The following ARHGEF9 variants were observed in gnomAD, a reference collection of about 807,000 sequenced individuals.
ARHGEF9 encodes Cdc42 guanine nucleotide exchange factor 9, also known as rho guanine nucleotide exchange factor 9.
ARHGEF9 carries 2 observed loss-of-function variants against 41.3 expected under a neutral mutation model. The ratio of observed to expected loss-of-function variants is 0.05; its 90% confidence interval spans 0.02 to 0.15. The LOEUF (loss-of-function observed/expected upper bound fraction) is 0.15, where lower values mean the gene tolerates loss of function less well. Ranked by LOEUF, ARHGEF9 falls within the 10% of genes least tolerant of loss-of-function variation. The pLI is 1.00. For missense variants in ARHGEF9, 225 were observed against 424.7 expected, an observed-to-expected ratio of 0.53 and a Z score of 4.13; for synonymous variants, 160 against 154.4, an observed-to-expected ratio of 1.04 and a Z score of -0.27.
intron 1 of ARHGEF9, among the ~76,000 whole-genome samples, chrX:63,784,421 C>T (rs2056428148): frequency 8.9e-6 from 1 of 112,680 alleles, no homozygotes; most frequent in Non-Finnish European, 1.9e-5. Flanking sequence ...GCACACACTC[C>T]TTGGGAGGGA....
intron 1 of ARHGEF9, among the ~76,000 whole-genome samples, chrX:63,733,967 G>A (rs2054466320): frequency 8.9e-6 from 1 of 112,558 alleles, no homozygotes; most frequent in African/African-American, 3.2e-5. Context: ...ACAAAGAACA[G>A]CTTCTTCCTG....
rs1556296517 is a variant in ARHGEF9, at chrX:63,635,639, G to A, written c.*2389C>T. 2.9e-6 allele frequency: 1 copy of A among 350,293 alleles called. No individual in the cohort carries two copies. The highest frequency in any genetic ancestry group is 4.9e-6 in the Non-Finnish European group (1 of 205,140). 28.9% of individuals were successfully genotyped at this position (350,293 alleles called of 1,213,427 possible). ...TCAGGTGATGCCAGTGGGTTCAGTA[G>A]AGGAGAAGTGCGGGTTGAGAAGTAA... On this transcript the variant is annotated 3_prime_UTR_variant, in exon 10 of 10. Transcript: ENST00000671741.
At chrX:63,742,175 C>T (rs1442436356) in intron 1 of ARHGEF9, among the ~76,000 whole-genome samples, 1 of 111,896 alleles carries the variant, frequency 8.9e-6, no homozygotes, top group African/African-American at 3.3e-5. Context: ...AAGAGCCTCA[C>T]AAATGTAAGG....
intron 7 of ARHGEF9, 123 bp from the exon 8 acceptor site, chrX:63,655,860 G>C: frequency 1.0e-6 from 1 of 953,975 alleles, no homozygotes; most frequent in Non-Finnish European, 1.5e-6. Context: ...GGGTTGGTTT[G>C]TTCTAAATTT....
intron 7 of ARHGEF9, among the ~76,000 whole-genome samples, chrX:63,656,109 C>T (rs782767293): frequency 9.0e-6 from 1 of 111,111 alleles, no homozygotes; most frequent in South Asian, 3.8e-4. Context: ...TGGCTGGTTG[C>T]CTGGAGTGTG....
intron 6 of ARHGEF9, among the ~76,000 whole-genome samples, chrX:63,669,181 C>T (rs1166591204): frequency 1.8e-5 from 2 of 111,707 alleles, no homozygotes; most frequent in African/African-American, 6.5e-5. Context: ...GAGATCTCAC[C>T]CTTGCTTCCT....
At chrX:63,652,536 T>A (rs782016789) in intron 8 of ARHGEF9, among the ~76,000 whole-genome samples, 5 of 111,409 alleles carry the variant, frequency 4.5e-5, no homozygotes, top group African/African-American at 1.6e-4. Context: ...GATTTTGATA[T>A]GCACGGGAGT....
At chrX:63,697,021 C>A in intron 4 of ARHGEF9, 104 bp downstream of exon 4, 1 of 885,774 alleles carries the variant, frequency 1.1e-6, no homozygotes. Flanking sequence ...AACCCATTCC[C>A]CACTGCAGGA....
intron 1 of ARHGEF9, among the ~76,000 whole-genome samples, chrX:63,745,570 G>A (rs1212936211): frequency 9.0e-6 from 1 of 111,671 alleles, no homozygotes; most frequent in Non-Finnish European, 1.9e-5. Flanking sequence ...GCAGGCAAGA[G>A]CCCTATCTAA....
intron 5 of ARHGEF9, 140 bp downstream of exon 5, chrX:63,678,200 G>C: frequency 1.8e-6 from 1 of 553,416 alleles, no homozygotes; most frequent in Admixed American, 2.7e-5. Context: ...TGTTGGCTAT[G>C]AGGCAATCAA....
intron 1 of ARHGEF9, among the ~76,000 whole-genome samples, chrX:63,748,105 A>T (rs1393435461): frequency 8.9e-6 from 1 of 112,309 alleles, no homozygotes; most frequent in Non-Finnish European, 1.9e-5. Flanking sequence ...GTGCTATGTT[A>T]TTCACATTAA....
intron 1 of ARHGEF9, among the ~76,000 whole-genome samples, chrX:63,739,482 T>C (rs1198947881): frequency 1.8e-5 from 2 of 111,322 alleles, no homozygotes; most frequent in African/African-American, 6.5e-5. Flanking sequence ...TATATTTACT[T>C]AAGTAACCTC....
chrX:63,784,699 C>G (rs1332296986), intron 1 of ARHGEF9, among the ~76,000 whole-genome samples: 4 of 111,125 alleles, frequency 3.6e-5, no homozygotes, highest in African/African-American at 1.3e-4. Flanking sequence ...AGGCCCCCTC[C>G]ACAATTCCAG....
At chrX:63,714,953 A>G (rs1602530024) in intron 2 of ARHGEF9, among the ~76,000 whole-genome samples, 2 of 111,887 alleles carry the variant, frequency 1.8e-5, no homozygotes, top group African/African-American at 6.5e-5. Context: ...ACGAATGGAG[A>G]CTTACTTAGT....
intron 3 of ARHGEF9, among the ~76,000 whole-genome samples, chrX:63,705,638 C>T (rs2052489570): frequency 9.0e-6 from 1 of 111,217 alleles, no homozygotes; most frequent in African/African-American, 3.3e-5. Flanking sequence ...CATCCAGCCT[C>T]CATCTTCTGT....
At chrX:63,748,984 G>C (rs2055443755) in intron 1 of ARHGEF9, among the ~76,000 whole-genome samples, 1 of 112,212 alleles carries the variant, frequency 8.9e-6, no homozygotes, top group African/African-American at 3.2e-5. Flanking sequence ...ACAGTTCCTT[G>C]AAAACATTCT....
chrX:63,677,749 C>T (rs1162276697), intron 5 of ARHGEF9, among the ~76,000 whole-genome samples: 1 of 111,691 alleles, frequency 9.0e-6, no homozygotes, highest in Admixed American at 9.5e-5. Flanking sequence ...ACAGAAATGG[C>T]AAATCCCAGG....
At chrX:63,709,639 T>C (rs147556893) in intron 2 of ARHGEF9, among the ~76,000 whole-genome samples, 78 of 111,984 alleles carry the variant, frequency 7.0e-4, no homozygotes, top group African/African-American at 2.4e-3. Context: ...CCACTGATTA[T>C]AAAGCAAGTC....
chrX:63,755,258 G>A (rs2055891628), intron 1 of ARHGEF9: 1 of 932,100 alleles, frequency 1.1e-6, no homozygotes, highest in African/African-American at 2.0e-5. Context: ...CCCAGGGGCG[G>A]GACTTGCGCT....
Sources: allele counts gnomAD v4.1 joint callset (sites outside exome capture counted in the v4.1 genomes callset), GRCh38; gene constraint gnomAD v4.1.1; transcripts MANE v1.5; gene names NCBI Gene and HGNC (gene_info 2026-07-23, HGNC 2026-07-21).